The following KLC1 variants were observed in gnomAD, a reference collection of about 807,000 sequenced individuals.
The protein encoded by KLC1 is kinesin 2 60/70kDa.
A neutral mutation model predicts 84.2 loss-of-function variants in KLC1; 30 were observed. That is an observed-to-expected ratio of 0.36 (90% CI 0.27 to 0.48). KLC1 has a LOEUF of 0.48. KLC1 is among the 20% of genes least tolerant of loss of function. KLC1 has a pLI of 0.99. For synonymous variants in KLC1, 289 were observed against 293.3 expected (o/e 0.99, Z 0.15); for missense variants, 499 against 805.4 (o/e 0.62, Z 4.60).
At chr14:103,698,642 A>G (rs2082782075) in intron 15 of KLC1, 1 of 714,508 alleles carries the variant, frequency 1.4e-6, no homozygotes, top group Middle Eastern at 3.8e-4. Context: ...GTCTGTGGCC[A>G]CCATCTTCGG....
rs370153815 is a variant in KLC1 at position 103,651,392 on chromosome 14, G to T, written c.-1-3172G>T. On this transcript the variant is annotated intron_variant, in intron 1 of 16. Coordinates refer to ENST00000334553, the MANE Select transcript of KLC1 (RefSeq NM_001394837.1). ...GCCTGTATTTCCTTCTAGTTTCTTG[G>T]TTTTTTTTTAATTTAGTTATTAATC... Among the ~76,000 whole-genome samples the T allele has an allele frequency of 6.7e-3, 1,008 of 151,474 alleles. 10 individuals are homozygous for T. Among genetic ancestry groups the T allele is most frequent in the African/African-American group, 0.022 (929 of 41,294 alleles).
chr14:103,666,688 C>T (rs2151626361), intron 5 of KLC1, among the ~76,000 whole-genome samples: 1 of 150,322 alleles, frequency 6.7e-6, no homozygotes, highest in South Asian at 2.1e-4. Context: ...ACCTCTGCCT[C>T]CCGGGTTGAG....
At chr14:103,700,372 T>C (rs2083065620) in intron 15 of KLC1, 2 of 396,318 alleles carry the variant, frequency 5.0e-6, no homozygotes, top group South Asian at 8.6e-5. Context: ...GGCCTGTGGG[T>C]GCCAGAGCCA....
chr14:103,700,911 TG>T (rs1026925148), intron 16 of KLC1, among the ~76,000 whole-genome samples, 184 bp downstream of exon 16: 1 of 151,788 alleles, frequency 6.6e-6, no homozygotes, highest in Non-Finnish European at 1.5e-5. Context: ...GGCCACAGAG[TG>T]GGGGGGTGGG....
chr14:103,697,561 G>A (rs549258850), intron 15 of KLC1: 1 of 152,312 alleles, frequency 6.6e-6, no homozygotes, highest in Non-Finnish European at 1.5e-5. Flanking sequence ...ATACTTCAAT[G>A]TGTATAAATT....
At chr14:103,699,146 G>A in intron 15 of KLC1, 1 of 1,572,448 alleles carries the variant, frequency 6.4e-7, no homozygotes, top group South Asian at 1.2e-5. Context: ...AGCGGCCCGT[G>A]TGCTGCGCCC....
At chr14:103,695,547 G>T (rs1019635054) in intron 15 of KLC1, 1 of 985,238 alleles carries the variant, frequency 1.0e-6, no homozygotes, top group African/African-American at 1.7e-5. Context: ...CCTTCTCCCT[G>T]TGAGGATGCT....
chr14:103,644,214 CAAA>C (rs376316737), intron 1 of KLC1, among the ~76,000 whole-genome samples: 1 of 59,078 alleles, frequency 1.7e-5, no homozygotes, highest in Non-Finnish European at 3.1e-5. Flanking sequence ...GACTCTGTCT[CAAA>C]AAAAAAAAAA....
chr14:103,660,653 G>A (rs1483944557), intron 3 of KLC1, among the ~76,000 whole-genome samples: 1 of 151,688 alleles, frequency 6.6e-6, no homozygotes, highest in Non-Finnish European at 1.5e-5. Context: ...TTAGCTGGGT[G>A]TGGTAGAGTG....
At chr14:103,663,635 C>G (rs544445147) in intron 5 of KLC1, among the ~76,000 whole-genome samples, 2 of 152,310 alleles carry the variant, frequency 1.3e-5, no homozygotes, top group African/African-American at 4.8e-5. Flanking sequence ...CGGGATTCAA[C>G]TTGCCCTTTG....
At chr14:103,698,561 G>A in intron 15 of KLC1, 1 of 571,148 alleles carries the variant, frequency 1.8e-6, no homozygotes, top group Non-Finnish European at 3.1e-6. Flanking sequence ...TGGGGACCAG[G>A]TACCCAGCAA....
Position 103,673,429 on chromosome 14 carries a change from A to G in KLC1, c.1259A>G (p.Asp420Gly). The change falls in exon 9 of 17, where the codon GAT becomes GGT. Residue 420 changes from aspartate (D) to glycine (G), a missense_variant and splice_region_variant. Asp to Gly is a moderately conservative substitution (Grantham distance 94). Coordinates refer to ENST00000334553, the MANE Select transcript of KLC1 (RefSeq NM_001394837.1). ...RAHEREFGSV[D>G]DENKPIWMHA... ...CATGAAAGGGAGTTTGGTTCTGTAG[A>G]TGGTAAGAAATATACTCCCGTTTCA... 1 of 1,574,204 alleles carries G rather than the reference A, an allele frequency of 6.4e-7. No individual in the cohort carries two copies. Among genetic ancestry groups the G allele is most frequent in the Non-Finnish European group, 8.7e-7 (1 of 1,153,076 alleles).
intron 1 of KLC1, among the ~76,000 whole-genome samples, chr14:103,641,492 C>G (rs577857720): frequency 6.6e-6 from 1 of 152,280 alleles, no homozygotes; most frequent in East Asian, 1.9e-4. Flanking sequence ...CCAGCATGGT[C>G]AGATTCTGGT....
At chr14:103,695,287 C>A in intron 15 of KLC1, 1 of 659,798 alleles carries the variant, frequency 1.5e-6, no homozygotes, top group Non-Finnish European at 1.9e-6. Flanking sequence ...ACAGCGAGTC[C>A]CTGTGTCTAG....
intron 12 of KLC1, among the ~76,000 whole-genome samples, chr14:103,679,079 A>C (rs1567033670): frequency 6.6e-6 from 1 of 152,162 alleles, no homozygotes; most frequent in South Asian, 2.1e-4. Flanking sequence ...TGGCTTATCT[A>C]AAAGTTAAAC....
Position 103,685,476 on chromosome 14 carries a change from A to G in KLC1, c.1651-1605A>G, listed in dbSNP as rs11849022. On this transcript the variant is annotated intron_variant, in intron 13 of 16. Transcript: ENST00000334553. Reference sequence around the variant, plus strand: ...AGGCCCAGCACCTGCTTTATGCTGGACTGGTAGAAGCAGGCAGAAGGTCAT... The same window carrying G: ...AGGCCCAGCACCTGCTTTATGCTGGGCTGGTAGAAGCAGGCAGAAGGTCAT... 0.011 allele frequency: 13,185 copies of G among 1,243,060 alleles called. 1,014 individuals carry two copies. The African/African-American group carries it at 0.17, about 16-fold the overall frequency. The allele number at this position is 1,243,060 out of a possible 1,614,324, so 77.0% of individuals were successfully genotyped here.
chr14:103,663,028 T>G (rs565203063), intron 5 of KLC1, 101 bp downstream of exon 5: 31 of 737,342 alleles, frequency 4.2e-5, no homozygotes, highest in Admixed American at 7.0e-5. Context: ...TAAACTATTT[T>G]TCAACCATAT....
chr14:103,701,330 T>G lies in KLC1; in HGVS notation c.*131T>G. 3.0e-6 allele frequency: 3 copies of G among 1,000,502 alleles called. No individual in the cohort carries two copies. The South Asian group carries it at 4.4e-5, about 15-fold the overall frequency. The allele number at this position is 1,000,502 out of a possible 1,614,324, so 62.0% of individuals were successfully genotyped here. A position where few individuals can be genotyped will look rare whatever the true frequency, so the allele number is the denominator to read the frequency against. On this transcript the variant is annotated 3_prime_UTR_variant, in exon 17 of 17. Transcript: ENST00000334553. The stretch of plus-strand genomic sequence containing the variant: ...CGCTCACTCATTTCTCCTGCGTCTG[T>G]GTGCATAGGACATGATACTAATAAC...
chr14:103,668,538 C>T (rs1351321733), intron 5 of KLC1, among the ~76,000 whole-genome samples: 5 of 151,978 alleles, frequency 3.3e-5, no homozygotes, highest in Non-Finnish European at 5.9e-5. Flanking sequence ...AGTGCAGTGG[C>T]GCGATCTATG....
Sources: gnomAD v4.1 joint callset for allele counts (sites outside exome capture counted in the v4.1 genomes callset) on GRCh38, gnomAD v4.1.1 for gene constraint, MANE v1.5 for transcripts, NCBI Gene and HGNC (gene_info 2026-07-23, HGNC 2026-07-21) for gene names.